The following CAMKMT variants were observed in gnomAD, a reference collection of about 807,000 sequenced individuals.
The protein encoded by CAMKMT is CaM KMT.
Under a neutral mutation model 48.0 loss-of-function variants are expected in CAMKMT, and 53 were observed. The observed-to-expected ratio is 1.10, with a 90% CI of 0.89 to 1.39. CAMKMT has a LOEUF of 1.39. CAMKMT is among the 40% of genes most tolerant of loss of function. The pLI, the probability that CAMKMT is intolerant of heterozygous loss-of-function variation, is 0.00. For missense variants in CAMKMT, 428 were observed against 402.7 expected (o/e 1.06, Z -0.54); for synonymous variants, 165 against 152.3 (o/e 1.08, Z -0.61).
At chr2:44,465,685 T>A (rs748837024) in intron 3 of CAMKMT, among the ~76,000 whole-genome samples, 1 of 152,214 alleles carries the variant, frequency 6.6e-6, no homozygotes, top group Non-Finnish European at 1.5e-5. Context: ...AGAGCTTCTC[T>A]ATCAGAAGTT....
intron 3 of CAMKMT, among the ~76,000 whole-genome samples, chr2:44,429,754 T>G (rs1316753494): frequency 2.8e-5 from 4 of 143,894 alleles, no homozygotes; most frequent in African/African-American, 1.0e-4. Context: ...TGAGCCGAGA[T>G]TGCGCCACTG....
At chr2:44,570,745 A>G (rs571065597) in intron 3 of CAMKMT, among the ~76,000 whole-genome samples, 3 of 152,314 alleles carry the variant, frequency 2.0e-5, no homozygotes, top group Admixed American at 6.5e-5. Context: ...GCAAACGAAT[A>G]AAAAACAGGT....
At chr2:44,379,447 C>T (rs997291876) in intron 2 of CAMKMT, among the ~76,000 whole-genome samples, 2 of 152,114 alleles carry the variant, frequency 1.3e-5, no homozygotes, top group African/African-American at 4.8e-5. Flanking sequence ...ATTGCTGGGT[C>T]ATGTGGTATC....
chr2:44,434,226 ATT>A (rs35979525), intron 3 of CAMKMT, among the ~76,000 whole-genome samples: 1 of 147,208 alleles, frequency 6.8e-6, no homozygotes. Flanking sequence ...TTTGTGAGGG[ATT>A]TTTTTTTTTT....
At chr2:44,474,494 G>A (rs998902213) in intron 3 of CAMKMT, among the ~76,000 whole-genome samples, 3 of 151,328 alleles carry the variant, frequency 2.0e-5, no homozygotes, top group Admixed American at 1.3e-4. Context: ...AGTAAGTATC[G>A]AGAGGTAAGT....
chr2:44,663,255 A>G (rs1361535166), intron 3 of CAMKMT, among the ~76,000 whole-genome samples: 1 of 152,204 alleles, frequency 6.6e-6, no homozygotes, highest in African/African-American at 2.4e-5. Flanking sequence ...CCAATCTAGG[A>G]TCATGCATTT....
intron 3 of CAMKMT, among the ~76,000 whole-genome samples, chr2:44,563,111 C>T (rs1490016633): frequency 1.3e-5 from 2 of 151,894 alleles, no homozygotes; most frequent in Non-Finnish European, 2.9e-5. Flanking sequence ...TAAATTAAAA[C>T]TTACAAGGTT....
intron 1 of CAMKMT, among the ~76,000 whole-genome samples, chr2:44,362,737 G>A (rs755763634): frequency 6.6e-6 from 1 of 152,172 alleles, no homozygotes; most frequent in African/African-American, 2.4e-5. Context: ...AGTGATCAGC[G>A]AGATTCTCCG....
At chr2:44,405,007 T>G (rs1682681667) in intron 3 of CAMKMT, among the ~76,000 whole-genome samples, 1 of 152,108 alleles carries the variant, frequency 6.6e-6, no homozygotes, top group Admixed American at 6.5e-5. Flanking sequence ...TGCGTTGTGT[T>G]TAAATTTCTT....
intron 3 of CAMKMT, among the ~76,000 whole-genome samples, chr2:44,539,459 T>C (rs1041739856): frequency 4.6e-5 from 7 of 152,170 alleles, no homozygotes; most frequent in Non-Finnish European, 1.0e-4. Context: ...TTTCCTCTTA[T>C]GTAACCACAG....
chr2:44,433,045 ATGT>A (rs1040745033), intron 3 of CAMKMT, among the ~76,000 whole-genome samples: 7 of 152,074 alleles, frequency 4.6e-5, no homozygotes, highest in African/African-American at 1.7e-4. Context: ...TCTCTCTCAA[ATGT>A]TGTCCTTTTG....
At chr2:44,455,315 A>C (rs1018260449) in intron 3 of CAMKMT, among the ~76,000 whole-genome samples, 10 of 152,114 alleles carry the variant, frequency 6.6e-5, no homozygotes, top group Non-Finnish European at 1.3e-4. Flanking sequence ...ATTCCAGTGG[A>C]TGCTTTCTGT....
chr2:44,717,887 C>G (rs567013069), intron 7 of CAMKMT, among the ~76,000 whole-genome samples: 5 of 151,822 alleles, frequency 3.3e-5, no homozygotes, highest in African/African-American at 1.2e-4. Flanking sequence ...TGACTGGCAC[C>G]CAAGCTCCTA....
chr2:44,715,080 C>T (rs922830013), intron 6 of CAMKMT, among the ~76,000 whole-genome samples: 8 of 151,446 alleles, frequency 5.3e-5, no homozygotes, highest in African/African-American at 1.9e-4. Context: ...TTAGTCCCAG[C>T]TACTAGGGAG....
intron 3 of CAMKMT, among the ~76,000 whole-genome samples, chr2:44,548,900 T>A (rs1667549731): frequency 6.6e-6 from 1 of 152,112 alleles, no homozygotes; most frequent in African/African-American, 2.4e-5. Context: ...TTCAGCCTTG[T>A]GATTCCCTGA....
At chr2:44,649,821 G>A (rs1173105656) in intron 3 of CAMKMT, among the ~76,000 whole-genome samples, 2 of 152,068 alleles carry the variant, frequency 1.3e-5, no homozygotes, top group African/African-American at 4.8e-5. Context: ...TGTACCTTTA[G>A]CCAAGGCCTT....
At chr2:44,679,931 C>T (rs1025185275) in intron 3 of CAMKMT, among the ~76,000 whole-genome samples, 3 of 152,182 alleles carry the variant, frequency 2.0e-5, no homozygotes, top group African/African-American at 7.2e-5. Flanking sequence ...TCAAGCACTT[C>T]TAAAAATTTG....
At chr2:44,555,598 A>G (rs6737132) in intron 3 of CAMKMT, among the ~76,000 whole-genome samples, 87,879 of 151,950 alleles carry the variant, frequency 0.58, 26,399 homozygotes, top group Middle Eastern at 0.68. Context: ...TTTGGGAGTC[A>G]TCTTCAAATG....
intron 3 of CAMKMT, among the ~76,000 whole-genome samples, chr2:44,642,242 G>C (rs1178726920): frequency 6.6e-6 from 1 of 152,208 alleles, no homozygotes; most frequent in Non-Finnish European, 1.5e-5. Context: ...GGATGGTATA[G>C]GCAGGCCTGG....
Sources: allele counts gnomAD v4.1 joint callset (sites outside exome capture counted in the v4.1 genomes callset), GRCh38; gene constraint gnomAD v4.1.1; transcripts MANE v1.5; gene names NCBI Gene and HGNC (gene_info 2026-07-23, HGNC 2026-07-21).